FAAP100: variants seen among roughly 807,000 people sequenced by gnomAD.
FAAP100 encodes the protein FA core complex associated protein 100.
In FAAP100, 46 loss-of-function variants were observed where a neutral mutation model predicts 65.8. The observed-to-expected ratio is 0.70, with a 90% CI of 0.55 to 0.89. The LOEUF (loss-of-function observed/expected upper bound fraction) is 0.89, where lower values mean the gene tolerates loss of function less well. FAAP100 is among the 40% of genes least tolerant of loss of function. FAAP100 has a pLI of 0.00. For synonymous variants in FAAP100, 663 were observed against 555.1 expected (o/e 1.19, Z -2.73); for missense variants, 1,165 against 1,196.7 (o/e 0.97, Z 0.39).
In FAAP100 at chr17:81,540,506, G is replaced by C. The variant is rs946907203; in HGVS notation, c.*313C>G. The C allele has an allele frequency of 2.4e-6, 1 of 414,036 alleles. No individual in the cohort carries two copies. Among genetic ancestry groups the C allele is most frequent in the Admixed American group, 4.0e-5 (1 of 24,788 alleles). 25.6% of individuals were successfully genotyped at this position (414,036 alleles called of 1,614,324 possible). ...GGCCTCAGGGGCTGCTGCGGTGGTG[G>C]GAAGGCTGCCCAGCAGTGAGGAAGG... On this transcript the variant is annotated 3_prime_UTR_variant, in exon 9 of 9. Transcript: ENST00000327787.
In FAAP100 at chr17:81,541,413, C is replaced by T. The variant is rs1158873978; in HGVS notation, c.2428-18G>A. On this transcript the variant is annotated intron_variant, in intron 7 of 8. Transcript: ENST00000327787. Reference sequence around the variant, plus strand: ...ACCATCGTCTGGGGGACACAGGAGACATGCTGGAGAGGGTGTGCCCCAGCA... The same window carrying T: ...ACCATCGTCTGGGGGACACAGGAGATATGCTGGAGAGGGTGTGCCCCAGCA... 1.3e-6 allele frequency: 2 copies of T among 1,585,096 alleles called. No homozygotes were observed. Among genetic ancestry groups the T allele is most frequent in the Non-Finnish European group, 8.6e-7 (1 of 1,159,406 alleles).
chr17:81,552,421 G>T, upstream of FAAP100: 2 of 1,176,690 alleles, frequency 1.7e-6, no homozygotes, highest in South Asian at 7.0e-5. Flanking sequence ...TGTGCGGCGC[G>T]ACCTCCGCCG....
intron 4 of FAAP100, 120 bp downstream of exon 4, chr17:81,549,086 T>C: frequency 1.2e-6 from 1 of 818,576 alleles, no homozygotes; most frequent in Non-Finnish European, 1.7e-6. Context: ...GGCCAAGTAA[T>C]GGCCTGGCCT....
chr17:81,551,978 G>A lies in FAAP100; in HGVS notation c.240C>T (p.Cys80=). The change falls in exon 2 of 9, where the codon TGC becomes TGT. Residue 80 remains cysteine, a synonymous_variant. Coordinates refer to ENST00000327787, the MANE Select transcript of FAAP100 (RefSeq NM_025161.6). ...LAPRRLLYAL[C]ARRGLYCLSL... ...ACAGGCAGTAGAGGCCCCTCCGGGC[G>A]CACAGCGCGTACAGCAACCTGCGCG... is the stretch of plus-strand genomic sequence containing the variant. 6 of 1,565,698 alleles carry A rather than the reference G, an allele frequency of 3.8e-6. No homozygotes were observed. Among genetic ancestry groups the A allele is most frequent in the East Asian group, 4.8e-5 (2 of 41,342 alleles).
intron 6 of FAAP100, 92 bp downstream of exon 6, chr17:81,545,654 C>T (rs2033272180): frequency 6.8e-7 from 1 of 1,468,530 alleles, no homozygotes; most frequent in East Asian, 2.4e-5. Context: ...CAGGCCCCCA[C>T]CCAGGGTGAG....
intron 1 of FAAP100, 32 bp from the exon 2 acceptor site, chr17:81,552,084 G>C: frequency 1.4e-6 from 2 of 1,456,134 alleles, no homozygotes; most frequent in Non-Finnish European, 1.8e-6. Context: ...AGGCCGACGC[G>C]ACGCGCGGGC....
chr17:81,551,799 G>T, intron 2 of FAAP100, 129 bp downstream of exon 2: 1 of 1,381,852 alleles, frequency 7.2e-7, no homozygotes, highest in Non-Finnish European at 9.3e-7. Context: ...ATCGGGCAGG[G>T]ATGGCGGCCG....
In FAAP100 at chr17:81,540,023, G is replaced by C. The variant is rs548386354; in HGVS notation, c.*796C>G. 1 of 398,874 alleles carries C rather than the reference G, an allele frequency of 2.5e-6. No individual in the cohort carries two copies. The highest frequency in any genetic ancestry group is 4.4e-6 in the Non-Finnish European group (1 of 226,198). The allele number at this position is 398,874 out of a possible 1,614,324, so 24.7% of individuals were successfully genotyped here. A position where few individuals can be genotyped will look rare whatever the true frequency, so the allele number is the denominator to read the frequency against. ...CAGATGAAAACACCAGCACCAGGAG[G>C]TGGGCCGTAGCCCAGGCTGAGGGAG... On this transcript the variant is annotated 3_prime_UTR_variant, in exon 9 of 9. Transcript: ENST00000327787.
rs2033481757 is a variant in FAAP100, at chr17:81,551,161, C to T, written c.333G>A (p.Gln111=). The part of the protein sequence containing the change: ...QDDRDSEDGD[Q]PSPVIPVDPD... ...GGTCCACAGGGATCACGGGGGAAGG[C>T]TGGTCACCGTCCTCGCTGTCCCTGT... The change falls in exon 3 of 9, where the codon CAG becomes CAA. Residue 111 remains glutamine (Q), a synonymous_variant. Coordinates refer to ENST00000327787, the MANE Select transcript of FAAP100 (RefSeq NM_025161.6). 1 of 1,542,812 alleles carries T rather than the reference C, an allele frequency of 6.5e-7. No homozygotes were observed. The highest frequency in any genetic ancestry group is 1.2e-5 in the South Asian group (1 of 83,466).
rs2033024712 is a variant in FAAP100 at position 81,540,095 on chromosome 17, AC to A, written c.*723del. On this transcript the variant is annotated 3_prime_UTR_variant, in exon 9 of 9. Transcript: ENST00000327787. ...GGGCCCCCCCCCGGGCCACAGCGCC[AC>A]CCTGAGTGGCCCTGAAAATAGTGCA... The A allele has an allele frequency of 2.5e-6, 1 of 398,134 alleles. No individual in the cohort carries two copies. The highest frequency in any genetic ancestry group is 4.4e-6 in the Non-Finnish European group (1 of 225,852). 24.7% of individuals were successfully genotyped at this position (398,134 alleles called of 1,614,324 possible).
In FAAP100 at chr17:81,549,899, C is replaced by T. The variant is rs115032950; in HGVS notation, c.1246+349G>A. On this transcript the variant is annotated intron_variant, in intron 3 of 8. Coordinates refer to ENST00000327787, the MANE Select transcript of FAAP100 (RefSeq NM_025161.6). ...GCAGCCTTTGGAAGAAAGGCAAGTC[C>T]GGAACAGACCTCCCTGGGCTGCTTG... 4.7e-3 allele frequency among the ~76,000 whole-genome samples: 720 copies of T among 152,330 alleles called. 7 individuals are homozygous for T. The highest frequency in any genetic ancestry group is 0.016 in the African/African-American group (672 of 41,562).
chr17:81,544,862 GGCTTGATTCCAAGT>G (rs1435916807), intron 6 of FAAP100, among the ~76,000 whole-genome samples: 1 of 152,204 alleles, frequency 6.6e-6, no homozygotes, highest in Non-Finnish European at 1.5e-5. Context: ...CGAGGGCCGA[GGCTTGATTCCAAGT>G]GCAGACTCTG....
intron 3 of FAAP100, among the ~76,000 whole-genome samples, chr17:81,550,029 G>A (rs1261158903): frequency 1.3e-5 from 2 of 152,130 alleles, no homozygotes; most frequent in African/African-American, 4.8e-5. Flanking sequence ...CCAGGCCCAG[G>A]GCCACACCCT....
intron 7 of FAAP100, among the ~76,000 whole-genome samples, chr17:81,542,553 A>G (rs1160803998): frequency 2.6e-5 from 4 of 151,832 alleles, no homozygotes; most frequent in African/African-American, 9.7e-5. Context: ...GGTCCTGATC[A>G]CTCCTGTTCC....
chr17:81,546,122 T>C (rs1257343733), intron 5 of FAAP100, among the ~76,000 whole-genome samples: 1 of 152,232 alleles, frequency 6.6e-6, no homozygotes, highest in Non-Finnish European at 1.5e-5. Context: ...AGTTACGATC[T>C]GTGGAAGGTG....
rs1227685611 is a variant in FAAP100, at chr17:81,540,953, G to A, written c.2515-3C>T. ...GTCTGCACCTCCCGCAGCAGTGTCTGCAGGTGAAGCAGACACAGCTCAGGC... is the reference window on the plus strand; with the variant it reads ...GTCTGCACCTCCCGCAGCAGTGTCTACAGGTGAAGCAGACACAGCTCAGGC... On this transcript the variant is annotated splice_region_variant and splice_polypyrimidine_tract_variant and intron_variant, in intron 8 of 8. Transcript: ENST00000327787. The A allele has an allele frequency of 6.3e-7, 1 of 1,575,224 alleles. No individual in the cohort carries two copies. Among genetic ancestry groups the A allele is most frequent in the Non-Finnish European group, 8.6e-7 (1 of 1,163,168 alleles).
Position 81,552,148 on chromosome 17 carries a change from C to G in FAAP100, c.165+18G>C, listed in dbSNP as rs1016007158. The G allele has an allele frequency of 2.0e-6, 3 of 1,488,692 alleles. No individual in the cohort carries two copies. In the African/African-American group the frequency reaches 4.4e-5, roughly 22 times the overall value. The allele number at this position is 1,488,692 out of a possible 1,614,324, so 92.2% of individuals were successfully genotyped here. A position where few individuals can be genotyped will look rare whatever the true frequency, so the allele number is the denominator to read the frequency against. ...CGCCCCCGCCCGGTCCCTCCCGCCC[C>G]CGCGGGCCGGCGCTCACGGTCAGCA... On this transcript the variant is annotated intron_variant, in intron 1 of 8. Transcript: ENST00000327787.
At chr17:81,547,735 C>CACATCTTG (rs752521431) in intron 4 of FAAP100, 57 bp from the exon 5 acceptor site, 56 of 1,574,236 alleles carry the variant, frequency 3.6e-5, no homozygotes, top group Non-Finnish European at 4.8e-5. Context: ...CACCAGGTGC[C>CACATCTTG]ACATCTTGAC....
rs1568092543 is a variant in FAAP100 at position 81,544,082 on chromosome 17, C to T, written c.2349G>A (p.Gln783=). The T allele has an allele frequency of 6.2e-7, 1 of 1,612,650 alleles. No homozygotes were observed. Among genetic ancestry groups the T allele is most frequent in the Non-Finnish European group, 8.5e-7 (1 of 1,179,810 alleles). ...AGCTTTCCACTTGAATCTCCACGGC[C>T]TGGATGGGCCCTGCTGGGCACAGGT... The part of the protein sequence containing the change: ...MTDLCPAGPI[Q]AVEIQVESSS... The change falls in exon 7 of 9, where the codon CAG becomes CAA. Residue 783 remains glutamine, a synonymous_variant. Coordinates refer to ENST00000327787, the MANE Select transcript of FAAP100 (RefSeq NM_025161.6).
Sources: allele counts gnomAD v4.1 joint callset (sites outside exome capture counted in the v4.1 genomes callset), GRCh38; gene constraint gnomAD v4.1.1; transcripts MANE v1.5; gene names NCBI Gene and HGNC (gene_info 2026-07-23, HGNC 2026-07-21).